PRKG1: variants seen among roughly 807,000 people sequenced by gnomAD.
PRKG1 encodes protein kinase cGMP-dependent 1.
A neutral mutation model predicts 88.1 loss-of-function variants in PRKG1; 35 were observed. The ratio of observed to expected loss-of-function variants is 0.40; its 90% confidence interval spans 0.30 to 0.53. The LOEUF (loss-of-function observed/expected upper bound fraction) is 0.53, where lower values mean the gene tolerates loss of function less well. PRKG1 is among the 20% of genes least tolerant of loss of function. The pLI, the probability that PRKG1 is intolerant of heterozygous loss-of-function variation, is 0.59. For synonymous variants in PRKG1, 303 were observed against 292.5 expected, an observed-to-expected ratio of 1.04 and a Z score of -0.37; for missense variants, 540 against 839.8, an observed-to-expected ratio of 0.64 and a Z score of 4.41.
intron 3 of PRKG1, among the ~76,000 whole-genome samples, chr10:51,704,534 A>G (rs1326332911): frequency 6.6e-6 from 1 of 152,212 alleles, no homozygotes; most frequent in Non-Finnish European, 1.5e-5. Flanking sequence ...TGAAATGGAT[A>G]TGCAATAAAG....
At chr10:51,302,577 C>T (rs1470851323) in intron 2 of PRKG1, 5 of 146,080 alleles carry the variant, frequency 3.4e-5, no homozygotes, top group African/African-American at 1.3e-4. Flanking sequence ...TTTTAACGAG[C>T]AGATATTTAT....
chr10:51,326,837 CA>C (rs1841605517), intron 2 of PRKG1, among the ~76,000 whole-genome samples: 2 of 152,206 alleles, frequency 1.3e-5, no homozygotes, highest in African/African-American at 4.8e-5. Context: ...TGACTTTTTT[CA>C]TTAGGTTAGA....
intron 4 of PRKG1, among the ~76,000 whole-genome samples, chr10:51,895,476 T>C (rs1210860568): frequency 6.6e-6 from 1 of 152,122 alleles, no homozygotes; most frequent in Non-Finnish European, 1.5e-5. Flanking sequence ...TGCCCTGTCA[T>C]TTTGCCCAAC....
chr10:51,104,950 C>T (rs143172687), intron 1 of PRKG1, among the ~76,000 whole-genome samples: 1 of 152,026 alleles, frequency 6.6e-6, no homozygotes, highest in African/African-American at 2.4e-5. Flanking sequence ...AGGCTAGTCT[C>T]GAACTCCTCA....
chr10:52,203,445 A>G (rs908408517), intron 9 of PRKG1, among the ~76,000 whole-genome samples: 3 of 152,162 alleles, frequency 2.0e-5, no homozygotes, highest in African/African-American at 7.2e-5. Context: ...TATGTAGTCA[A>G]TTTTAGAGTA....
At chr10:51,041,297 C>T (rs1473088424) in intron 1 of PRKG1, among the ~76,000 whole-genome samples, 1 of 152,144 alleles carries the variant, frequency 6.6e-6, no homozygotes, top group Admixed American at 6.6e-5. Context: ...CCCCAGGAGC[C>T]TGCTTGGTGC....
intron 3 of PRKG1, among the ~76,000 whole-genome samples, chr10:51,706,265 G>A (rs546413647): frequency 2.0e-5 from 3 of 152,266 alleles, no homozygotes; most frequent in Admixed American, 6.5e-5. Context: ...ATGTACAGAG[G>A]AATAAAAAGC....
rs1841328533 is a variant in PRKG1 at position 52,257,184 on chromosome 10, G to A, written c.1173+5518G>A. ...CCCAGGAAAAGAAAATGTGGTAGTC[G>A]CGAGAACCAATTTATGCTAAGACAA... On this transcript the variant is annotated intron_variant, in intron 10 of 17. Coordinates refer to ENST00000373980, the MANE Select transcript of PRKG1 (RefSeq NM_006258.4). Among the ~76,000 whole-genome samples, 2 of 138,960 alleles carry A rather than the reference G, an allele frequency of 1.4e-5. 1 individual carries two copies. Among genetic ancestry groups the A allele is most frequent in the African/African-American group, 5.0e-5 (2 of 40,144 alleles). 91.2% of individuals were successfully genotyped at this position (138,960 alleles called of 152,430 possible).
intron 1 of PRKG1, among the ~76,000 whole-genome samples, chr10:51,108,382 A>T (rs1207193462): frequency 1.3e-5 from 2 of 149,916 alleles, no homozygotes; most frequent in East Asian, 1.9e-4. Context: ...AACAAAATTA[A>T]AAAAAAAAAG....
intron 3 of PRKG1, among the ~76,000 whole-genome samples, chr10:51,764,399 A>T (rs2132533361): frequency 6.6e-6 from 1 of 152,292 alleles, no homozygotes; most frequent in East Asian, 1.9e-4. Context: ...TTTGGGGAGA[A>T]GAATAGACCT....
rs537587476 is a variant in PRKG1 at position 51,813,569 on chromosome 10, G to C, written c.698+8879G>C. Among the ~76,000 whole-genome samples, 127 of 152,220 alleles carry C rather than the reference G, an allele frequency of 8.3e-4. 5 individuals carry two copies. In the South Asian group the frequency reaches 0.025, roughly 30 times the overall value. On this transcript the variant is annotated intron_variant, in intron 4 of 17. Transcript: ENST00000373980. ...TTATAACATCATTTCCATTTTACAG[G>C]TAAGAATACTAAGGCCAAACAGATA...
intron 5 of PRKG1, among the ~76,000 whole-genome samples, chr10:52,039,392 A>G (rs1249925527): frequency 1.3e-5 from 2 of 152,104 alleles, no homozygotes; most frequent in African/African-American, 4.8e-5. Flanking sequence ...GTCATCACTT[A>G]AGGCAAGGAC....
At chr10:51,955,224 T>C (rs1044753532) in intron 5 of PRKG1, among the ~76,000 whole-genome samples, 1 of 152,102 alleles carries the variant, frequency 6.6e-6, no homozygotes, top group African/African-American at 2.4e-5. Context: ...TGGGAAGTTG[T>C]GTCTATTGGC....
chr10:51,302,826 T>C (rs760123822), intron 2 of PRKG1: 1 of 152,168 alleles, frequency 6.6e-6, no homozygotes, highest in Non-Finnish European at 1.5e-5. Context: ...ATCACTATAG[T>C]AAGTCTATAA....
intron 4 of PRKG1, among the ~76,000 whole-genome samples, chr10:51,818,262 G>A (rs1839644303): frequency 6.6e-6 from 1 of 152,108 alleles, no homozygotes; most frequent in Admixed American, 6.6e-5. Context: ...CCTACATTAA[G>A]GATACATTGT....
intron 1 of PRKG1, among the ~76,000 whole-genome samples, chr10:51,121,161 C>G (rs2131915528): frequency 6.6e-6 from 1 of 152,256 alleles, no homozygotes; most frequent in South Asian, 2.1e-4. Flanking sequence ...ATTGAACCCA[C>G]TTGGATAACC....
chr10:51,485,383 A>G (rs981894265), intron 3 of PRKG1, among the ~76,000 whole-genome samples: 1 of 152,166 alleles, frequency 6.6e-6, no homozygotes, highest in Non-Finnish European at 1.5e-5. Context: ...TTGAATAACA[A>G]ATCTTCCGCG....
At chr10:51,674,394 G>C (rs771668114) in intron 3 of PRKG1, among the ~76,000 whole-genome samples, 1 of 152,064 alleles carries the variant, frequency 6.6e-6, no homozygotes, top group Non-Finnish European at 1.5e-5. Flanking sequence ...GAGTGAACTG[G>C]AAGTTTTTGA....
At chr10:52,118,730 A>G (rs1038851197) in intron 7 of PRKG1, among the ~76,000 whole-genome samples, 2 of 152,068 alleles carry the variant, frequency 1.3e-5, no homozygotes, top group African/African-American at 2.4e-5. Context: ...TTTGAGTCAC[A>G]GTTAATATTT....
Sources: allele counts gnomAD v4.1 joint callset (sites outside exome capture counted in the v4.1 genomes callset), GRCh38; gene constraint gnomAD v4.1.1; transcripts MANE v1.5; gene names NCBI Gene and HGNC (gene_info 2026-07-23, HGNC 2026-07-21).